TTC38: variants seen among roughly 807,000 people sequenced by gnomAD.
TTC38 encodes the protein tetratricopeptide repeat protein 38.
A neutral mutation model predicts 64.2 loss-of-function variants in TTC38; 64 were observed. The observed-to-expected ratio is 1.00, with a 90% confidence interval of 0.81 to 1.23. TTC38 has a LOEUF of 1.23. Ranked by LOEUF, TTC38 falls within the 50% of genes most tolerant of loss-of-function variation. The pLI, the probability that TTC38 is intolerant of heterozygous loss-of-function variation, is 0.00. For synonymous variants in TTC38, 254 were observed against 249.3 expected (o/e 1.02, Z -0.18); for missense variants, 573 against 615.5 (o/e 0.93, Z 0.73).
chr22:46,275,298 C>T lies in TTC38; in HGVS notation c.416C>T (p.Pro139Leu), dbSNP rs781009881. 11 of 1,614,014 alleles carry T rather than the reference C, an allele frequency of 6.8e-6. No homozygotes were observed. The East Asian group carries it at 8.9e-5, about 13-fold the overall frequency. Residue 139 changes from proline to leucine, a missense_variant, in exon 5 of 14, where the codon CCG becomes CTG. By Grantham distance (98) the Pro-to-Leu change is moderately conservative. Transcript: ENST00000381031. The surrounding 1 kb of genome is among the most constrained non-coding windows in gnomAD (Gnocchi z 4.5). ...ELWEQILQDH[P>L]TDMLALKFSH... is the part of the protein sequence containing the mutation. ...TGGGAACAGATTCTCCAGGACCACC[C>T]GACAGACATGTTGGCCCTGAAATTT... is the stretch of plus-strand genomic sequence containing the variant.
chr22:46,278,644 G>C lies in TTC38; in HGVS notation c.598G>C (p.Glu200Gln). 6.2e-7 allele frequency: 1 copy of C among 1,614,112 alleles called. No individual in the cohort carries two copies. Among genetic ancestry groups the C allele is most frequent in the Middle Eastern group, 1.6e-4 (1 of 6,062 alleles). Residue 200 changes from glutamate to glutamine, a missense_variant, in exon 6 of 14, where the codon GAA (glutamate) becomes CAA (glutamine). Coordinates refer to ENST00000381031, the MANE Select transcript of TTC38 (RefSeq NM_017931.4). ...GGAAACCAACTTCTACGACCAGGCA[G>C]AAAAACTCGCCAAAGAGGTAAGTGG... ...LMETNFYDQA[E>Q]KLAKEALSIN...
intron 6 of TTC38, among the ~76,000 whole-genome samples, 170 bp downstream of exon 6, chr22:46,278,831 G>A (rs2077512769): frequency 6.6e-6 from 1 of 152,230 alleles, no homozygotes; most frequent in Non-Finnish European, 1.5e-5. Context: ...CCGCCCGCCA[G>A]GGGCTGTCAT....
rs1035828778 is a variant in TTC38 at position 46,282,832 on chromosome 22, A to G, written c.735+1114A>G. 1.3e-5 allele frequency among the ~76,000 whole-genome samples: 2 copies of G among 152,110 alleles called. No homozygotes were observed. Among genetic ancestry groups the G allele is most frequent in the African/African-American group, 4.8e-5 (2 of 41,416 alleles). Reference sequence around the variant, plus strand: ...CACTGCTTCATACTGAGGGCAGCCTAAGGTAGCCACCCACATACCACCCAC... The same window carrying G: ...CACTGCTTCATACTGAGGGCAGCCTGAGGTAGCCACCCACATACCACCCAC... On this transcript the variant is annotated intron_variant, in intron 7 of 13. Coordinates refer to ENST00000381031, the MANE Select transcript of TTC38 (RefSeq NM_017931.4). This position sits in a 1 kb window ranked among gnomAD's most constrained non-coding sequence, Gnocchi z 4.4.
chr22:46,284,793 T>C (rs1194330518), intron 8 of TTC38, among the ~76,000 whole-genome samples: 1 of 138,732 alleles, frequency 7.2e-6, no homozygotes, highest in African/African-American at 2.7e-5. Context: ...CGCTTGAACC[T>C]GGGACGCGGA....
rs546649312 is a variant in TTC38 at position 46,276,932 on chromosome 22, A to G, written c.539+1511A>G. On this transcript the variant is annotated intron_variant, in intron 5 of 13. Coordinates refer to ENST00000381031, the MANE Select transcript of TTC38 (RefSeq NM_017931.4). The surrounding 1 kb of genome is among the most constrained non-coding windows in gnomAD (Gnocchi z 4.7). ...AGCACCACGGGCCAGCCAAATTGAC[A>G]GATAAAAATTAACCGTCATGAAACC... Among the ~76,000 whole-genome samples the G allele has an allele frequency of 2.7e-3, 408 of 150,344 alleles. 1 individual carries two copies. Among genetic ancestry groups the G allele is most frequent in the African/African-American group, 9.5e-3 (388 of 40,872 alleles).
At chr22:46,279,451 G>A (rs1045127586) in intron 6 of TTC38, among the ~76,000 whole-genome samples, 1 of 152,190 alleles carries the variant, frequency 6.6e-6, no homozygotes, top group Non-Finnish European at 1.5e-5. Context: ...GCCAAGGCTA[G>A]AGCCTGCCTA....
chr22:46,284,230 G>A (rs575247915), intron 8 of TTC38, among the ~76,000 whole-genome samples, 198 bp downstream of exon 8: 1 of 152,360 alleles, frequency 6.6e-6, no homozygotes, highest in South Asian at 2.1e-4. Context: ...CATCTGTGGT[G>A]TATAACTTGC....
chr22:46,275,524 C>A lies in TTC38; in HGVS notation c.539+103C>A. 2 of 1,176,192 alleles carry A rather than the reference C, an allele frequency of 1.7e-6. No individual in the cohort carries two copies. The highest frequency in any genetic ancestry group is 2.4e-6 in the Non-Finnish European group (2 of 833,800). The allele number at this position is 1,176,192 out of a possible 1,614,324, so 72.9% of individuals were successfully genotyped here. On this transcript the variant is annotated intron_variant, in intron 5 of 13. Transcript: ENST00000381031. This position sits in a 1 kb window ranked among gnomAD's most constrained non-coding sequence, Gnocchi z 4.5. Reference sequence around the variant, plus strand: ...GGCCCTGTCCTAAAAATAATGGGACCACTGTTGCTATTCTCCTAGTTCCTT... The same window carrying A: ...GGCCCTGTCCTAAAAATAATGGGACAACTGTTGCTATTCTCCTAGTTCCTT...
chr22:46,272,243 G>T lies in TTC38; in HGVS notation c.112-92G>T. On this transcript the variant is annotated intron_variant, in intron 2 of 13. Transcript: ENST00000381031. This position sits in a 1 kb window ranked among gnomAD's most constrained non-coding sequence, Gnocchi z 6.4. ...TGACCTCAGATGTTCTGCCCGCCTC[G>T]GCCTCCCAAAGTGTAAACCTGGATT... is the stretch of plus-strand genomic sequence containing the variant. The T allele has an allele frequency of 9.9e-7, 1 of 1,005,310 alleles. No homozygotes were observed. The highest frequency in any genetic ancestry group is 1.4e-5 in the South Asian group (1 of 73,816). The allele number at this position is 1,005,310 out of a possible 1,614,324, so 62.3% of individuals were successfully genotyped here.
chr22:46,269,088 GC>G (rs58531030), intron 2 of TTC38: 31,943 of 370,110 alleles, frequency 0.086, 1,196 homozygotes, highest in Non-Finnish European at 0.11. Flanking sequence ...ACATATCTCT[GC>G]CCCCCCCCCA....
intron 6 of TTC38, among the ~76,000 whole-genome samples, chr22:46,279,068 C>CT (rs2077514608): frequency 6.6e-6 from 1 of 152,232 alleles, no homozygotes; most frequent in African/African-American, 2.4e-5. Context: ...TAAGCGTTGG[C>CT]TCTTCCTTCC....
intron 5 of TTC38, among the ~76,000 whole-genome samples, chr22:46,277,782 C>T (rs866943665): frequency 2.3e-4 from 35 of 152,206 alleles, no homozygotes; most frequent in African/African-American, 7.2e-4. Context: ...CATTCCAGGC[C>T]GGGCAGGGGA....
rs1280908608 is a variant in TTC38 at position 46,292,332 on chromosome 22, A to T, written c.1317-459A>T. 2.8e-6 allele frequency: 1 copy of T among 362,996 alleles called. No homozygotes were observed. The highest frequency in any genetic ancestry group is 2.1e-5 in the African/African-American group (1 of 46,910). 22.5% of individuals were successfully genotyped at this position (362,996 alleles called of 1,614,324 possible). A position where few individuals can be genotyped will look rare whatever the true frequency, so the allele number is the denominator to read the frequency against. On this transcript the variant is annotated intron_variant, in intron 13 of 13. Transcript: ENST00000381031. The surrounding 1 kb of genome is among the most constrained non-coding windows in gnomAD (Gnocchi z 6.5). ...CCATCGTGCAGGGATTACAGGGGTG[A>T]GCCACCACACCTATCTCTTCTTATA...
rs2077628258 is a variant in TTC38 at position 46,293,104 on chromosome 22, C to T, written c.*220C>T. ...AGAAGGGCCAATGAGCATTTTTCAG[C>T]AGTCACAGCCAGTGTGAGTGCTGCT... is the stretch of plus-strand genomic sequence containing the variant. On this transcript the variant is annotated 3_prime_UTR_variant, in exon 14 of 14. Transcript: ENST00000381031. The surrounding 1 kb of genome is among the most constrained non-coding windows in gnomAD (Gnocchi z 6.6). 1.9e-6 allele frequency: 1 copy of T among 539,080 alleles called. No homozygotes were observed. Among genetic ancestry groups the T allele is most frequent in the Non-Finnish European group, 3.4e-6 (1 of 295,094 alleles). 33.4% of individuals were successfully genotyped at this position (539,080 alleles called of 1,614,324 possible).
chr22:46,268,162 C>CGGGCGCG, intron 1 of TTC38, 90 bp downstream of exon 1: 1 of 1,420,162 alleles, frequency 7.0e-7, no homozygotes, highest in Non-Finnish European at 9.5e-7. Context: ...AGACATGGCC[C>CGGGCGCG]GGGCGCGGGG....
chr22:46,287,365 T>C (rs1313957194), intron 10 of TTC38, among the ~76,000 whole-genome samples: 3 of 152,206 alleles, frequency 2.0e-5, no homozygotes, highest in Non-Finnish European at 4.4e-5. Context: ...CACTACTCTT[T>C]CTTCCAGTTC....
Position 46,272,368 on chromosome 22 carries a change from G to A in TTC38, c.145G>A (p.Gly49Ser). ...ATGGACCAATGACAAGAGTCTCGGT[G>A]GCATCGAGGGCTGCCTGTCAAAGCT... ...VKWTNDKSLG[G>S]IEGCLSKLKA... Residue 49 changes from glycine to serine, a missense_variant, in exon 3 of 14, where the codon GGC becomes AGC. By Grantham distance (56) the Gly-to-Ser change is moderately conservative. Transcript: ENST00000381031. The surrounding 1 kb of genome is among the most constrained non-coding windows in gnomAD (Gnocchi z 6.4). 1 of 1,613,832 alleles carries A rather than the reference G, an allele frequency of 6.2e-7. No individual in the cohort carries two copies. Among genetic ancestry groups the A allele is most frequent in the Middle Eastern group, 1.6e-4 (1 of 6,062 alleles).
In TTC38 at chr22:46,274,889, A is replaced by G. The variant is rs557373256; in HGVS notation, c.366-359A>G. Among the ~76,000 whole-genome samples the G allele has an allele frequency of 2.0e-5, 3 of 152,230 alleles. No homozygotes were observed. The highest frequency in any genetic ancestry group is 2.0e-4 in the Admixed American group (3 of 15,294). On this transcript the variant is annotated intron_variant, in intron 4 of 13. Coordinates refer to ENST00000381031, the MANE Select transcript of TTC38 (RefSeq NM_017931.4). This position sits in a 1 kb window ranked among gnomAD's most constrained non-coding sequence, Gnocchi z 4.8. ...CGCCCAGGCTGGAATGCAGTGGCGC[A>G]ATCTCGGCTCACTGCCTCCACCTCC...
Position 46,287,155 on chromosome 22 carries a change from G to A in TTC38, c.916+1G>A. 3 of 1,600,598 alleles carry A rather than the reference G, an allele frequency of 1.9e-6. No individual in the cohort carries two copies. The highest frequency in any genetic ancestry group is 2.6e-6 in the Non-Finnish European group (3 of 1,173,026). On this transcript the variant is annotated splice_donor_variant, in intron 10 of 13. Transcript: ENST00000381031. LOFTEE classifies it high-confidence loss of function. Reference sequence around the variant, plus strand: ...ATGCTCTACCGCCTGCAGATGGAAGGTAGCCATCCCTGCAGCCCCACTGGC... The same window carrying A: ...ATGCTCTACCGCCTGCAGATGGAAGATAGCCATCCCTGCAGCCCCACTGGC...
Sources: gnomAD v4.1 joint callset for allele counts (sites outside exome capture counted in the v4.1 genomes callset) on GRCh38, gnomAD v4.1.1 for gene constraint, Gnocchi (gnomAD v3.1) non-coding constraint, MANE v1.5 for transcripts, NCBI Gene and HGNC (gene_info 2026-07-23, HGNC 2026-07-21) for gene names.